Variants in ZNF385D observed in about 807,000 individuals in gnomAD.
ZNF385D encodes zinc finger protein 659.
A neutral mutation model predicts 35.8 loss-of-function variants in ZNF385D; 15 were observed. The ratio of observed to expected loss-of-function variants is 0.42; its 90% CI spans 0.28 to 0.64. ZNF385D has a LOEUF of 0.64. ZNF385D is among the 30% of genes least tolerant of loss of function. The pLI, the probability that ZNF385D is intolerant of heterozygous loss-of-function variation, is 0.23. For missense variants in ZNF385D, 474 were observed against 494.6 expected (o/e 0.96, Z 0.39); for synonymous variants, 212 against 186.8 (o/e 1.13, Z -1.10).
rs149408161 is a variant in ZNF385D, at chr3:21,564,285, G to T, written c.276+289C>A. On this transcript the variant is annotated intron_variant, in intron 3 of 7. Transcript: ENST00000281523. ...AAGTTTTACTGTTCCCAAAGGCAAA[G>T]TGTATTATCTACATGTACCATTCCC... Among the ~76,000 whole-genome samples the T allele has an allele frequency of 1.1e-3, 162 of 152,118 alleles. 1 individual carries two copies. The highest frequency in any genetic ancestry group is 3.4e-3 in the African/African-American group (140 of 41,494).
chr3:22,308,218 C>T (rs118130433), intron 2 of ZNF385D, among the ~76,000 whole-genome samples: 1 of 152,152 alleles, frequency 6.6e-6, no homozygotes, highest in East Asian at 1.9e-4. Context: ...AAATAGTTTA[C>T]TCTAAGTTGC....
At chr3:22,133,778 C>G (rs982665677) in intron 3 of ZNF385D, 4 of 151,838 alleles carry the variant, frequency 2.6e-5, no homozygotes, top group Non-Finnish European at 4.4e-5. Flanking sequence ...ATTCCTTGCT[C>G]TGCACTAAGA....
chr3:21,746,637 C>T (rs6780982), intron 1 of ZNF385D, among the ~76,000 whole-genome samples: 3,886 of 152,252 alleles, frequency 0.026, 165 homozygotes, highest in African/African-American at 0.087. Flanking sequence ...GAAGTTTCTT[C>T]CTGAATTATT....
intron 2 of ZNF385D, among the ~76,000 whole-genome samples, chr3:22,360,904 A>G (rs944846770): frequency 6.6e-6 from 1 of 152,064 alleles, no homozygotes; most frequent in Admixed American, 6.6e-5. Flanking sequence ...CAGGTTATAC[A>G]AATTGAGAAC....
chr3:22,110,000 A>T (rs1447201899), intron 3 of ZNF385D, among the ~76,000 whole-genome samples: 1 of 152,202 alleles, frequency 6.6e-6, no homozygotes, highest in Non-Finnish European at 1.5e-5. Flanking sequence ...CACCTCTCAA[A>T]AGAAGACATT....
In ZNF385D at chr3:22,014,206, C is replaced by T. The variant is rs561085361; in HGVS notation, c.325+154611G>A. 5.3e-5 allele frequency among the ~76,000 whole-genome samples: 8 copies of T among 150,828 alleles called. No homozygotes were observed. The South Asian group carries it at 1.7e-3, about 32-fold the overall frequency. ...TTGGAAATTAAAAGCATGGCTGCTA[C>T]CTTTTTTTTTAAAGGGGGAAGGAAG... On this transcript the variant is annotated intron_variant, in intron 3 of 5. Transcript: ENST00000494108.
chr3:22,040,178 CTTACACATAGCCCACATCT>C (rs761170741), intron 3 of ZNF385D, among the ~76,000 whole-genome samples: 84 of 152,132 alleles, frequency 5.5e-4, no homozygotes, highest in Non-Finnish European at 1.1e-3. Flanking sequence ...CATGATTTTC[CTTACACATAGCCCACATCT>C]TTGTAAATGC....
intron 2 of ZNF385D, among the ~76,000 whole-genome samples, chr3:22,192,011 T>C (rs542898497): frequency 6.6e-6 from 1 of 152,148 alleles, no homozygotes; most frequent in Admixed American, 6.6e-5. Flanking sequence ...GGATATGATT[T>C]TTTTCGGCCC....
chr3:21,629,746 A>G (rs1026993542), intron 2 of ZNF385D, among the ~76,000 whole-genome samples: 6 of 152,166 alleles, frequency 3.9e-5, no homozygotes, highest in African/African-American at 1.2e-4. Context: ...AATGGAATCT[A>G]AGATGCAATA....
chr3:22,215,445 G>A (rs992259839), intron 2 of ZNF385D, among the ~76,000 whole-genome samples: 5 of 151,946 alleles, frequency 3.3e-5, no homozygotes, highest in Non-Finnish European at 5.9e-5. Context: ...TAAAATGGCT[G>A]CTTCAGGGGG....
intron 5 of ZNF385D, among the ~76,000 whole-genome samples, chr3:21,432,929 A>G (rs1367639099): frequency 5.3e-5 from 8 of 152,260 alleles, no homozygotes; most frequent in Non-Finnish European, 5.9e-5. Context: ...AAAGAACACA[A>G]TTGATCCCCA....
chr3:21,910,673 G>A (rs1000555980), intron 3 of ZNF385D, among the ~76,000 whole-genome samples: 7 of 151,644 alleles, frequency 4.6e-5, no homozygotes, highest in Non-Finnish European at 8.8e-5. Context: ...TGATTGATAG[G>A]TCAAAATATG....
intron 3 of ZNF385D, among the ~76,000 whole-genome samples, chr3:21,927,706 T>C (rs1433650414): frequency 6.6e-6 from 1 of 152,174 alleles, no homozygotes; most frequent in East Asian, 1.9e-4. Flanking sequence ...TCAGACAAAA[T>C]AGACTTCAAG....
rs77790813 is a variant in ZNF385D, at chr3:22,241,384, C to G, written c.107-72349G>C. ...TTGTCAATTCTATATTGGTTTTGAT[C>G]TTTGCCTATTCTATGTTCTCAGTCT... On this transcript the variant is annotated intron_variant, in intron 2 of 5. Coordinates refer to the ZNF385D transcript ENST00000494108. Among the ~76,000 whole-genome samples, 27 of 151,324 alleles carry G rather than the reference C, an allele frequency of 1.8e-4. 3 individuals are homozygous for G. In the East Asian group the frequency reaches 4.9e-3, roughly 27 times the overall value.
chr3:22,364,935 C>T (rs1696584421), intron 2 of ZNF385D, among the ~76,000 whole-genome samples: 1 of 152,090 alleles, frequency 6.6e-6, no homozygotes, highest in Admixed American at 6.6e-5. Flanking sequence ...GAAGGAAATT[C>T]TGACACATGT....
chr3:21,980,603 G>A (rs574901743), intron 3 of ZNF385D, among the ~76,000 whole-genome samples: 37 of 152,078 alleles, frequency 2.4e-4, no homozygotes, highest in Non-Finnish European at 4.4e-4. Context: ...GGGCCCATAT[G>A]AAAATTTTGT....
At chr3:22,088,150 T>A (rs539063973) in intron 3 of ZNF385D, among the ~76,000 whole-genome samples, 35 of 152,284 alleles carry the variant, frequency 2.3e-4, no homozygotes, top group African/African-American at 8.4e-4. Context: ...AATACAGATT[T>A]TCTCTGAAGC....
chr3:22,268,922 A>G (rs1701033581), intron 2 of ZNF385D, among the ~76,000 whole-genome samples: 1 of 151,956 alleles, frequency 6.6e-6, no homozygotes, highest in Non-Finnish European at 1.5e-5. Context: ...AGATATAATC[A>G]GCTAATGCAG....
chr3:21,627,000 A>G (rs1384463314), intron 2 of ZNF385D, among the ~76,000 whole-genome samples: 1 of 151,950 alleles, frequency 6.6e-6, no homozygotes. Context: ...TGAGATTTTC[A>G]ATGTTTTACA....
Sources: gnomAD v4.1 joint callset for allele counts (sites outside exome capture counted in the v4.1 genomes callset) on GRCh38, gnomAD v4.1.1 for gene constraint, MANE v1.5 for transcripts, NCBI Gene and HGNC (gene_info 2026-07-23, HGNC 2026-07-21) for gene names.